The following SLC5A9 variants were observed in gnomAD, a reference collection of about 807,000 sequenced individuals.
The protein encoded by SLC5A9 is solute carrier family 5 member 9, also known as sodium/glucose cotransporter 4.
A neutral mutation model predicts 70.9 loss-of-function variants in SLC5A9; 59 were observed. The observed-to-expected ratio is 0.83, with a 90% CI of 0.68 to 1.03. The LOEUF (loss-of-function observed/expected upper bound fraction) is 1.03. Among genes scored for constraint, SLC5A9 ranks in the 50% least tolerant of loss-of-function variants. The pLI, the probability that SLC5A9 is intolerant of heterozygous loss-of-function variation, is 0.00. For synonymous variants in SLC5A9, 340 were observed against 346.5 expected (o/e 0.98, Z 0.21); for missense variants, 832 against 881.1 (o/e 0.94, Z 0.71).
At position 48,247,631 on chromosome 1, in the gene SLC5A9, C is replaced by T. The variant is rs1413550911; in HGVS notation, c.*88C>T. The T allele has an allele frequency of 1.5e-6, 2 of 1,359,818 alleles. No individual in the cohort carries two copies. Among genetic ancestry groups the T allele is most frequent in the Non-Finnish European group, 2.1e-6 (2 of 954,170 alleles). 84.2% of individuals were successfully genotyped at this position (1,359,818 alleles called of 1,614,324 possible). ...ACAGGCTCTCCTCTTACTTTGCTGT[C>T]TAAACTGGAGATCACAGAAGTCAAG... is the stretch of plus-strand genomic sequence containing the variant. On this transcript the variant is annotated 3_prime_UTR_variant, in exon 14 of 14. Transcript: ENST00000438567.
rs375013446 is a variant in SLC5A9, at chr1:48,237,648, G to C, written c.1293-31G>C. The C allele has an allele frequency of 3.7e-4, 593 of 1,608,322 alleles. 1 individual carries two copies. The African/African-American group carries it at 6.1e-3, about 17-fold the overall frequency. Reference sequence around the variant, plus strand: ...CACACCACACCATGCCCACCCGAGTGTGCCTCAGTGCCCTGTGCTCTCTCT... The same window carrying C: ...CACACCACACCATGCCCACCCGAGTCTGCCTCAGTGCCCTGTGCTCTCTCT... On this transcript the variant is annotated intron_variant, in intron 10 of 13. Coordinates refer to ENST00000438567, the MANE Select transcript of SLC5A9 (RefSeq NM_001011547.3).
At chr1:48,241,566 C>T (rs1644390420) in intron 12 of SLC5A9, among the ~76,000 whole-genome samples, 1 of 152,016 alleles carries the variant, frequency 6.6e-6, no homozygotes, top group Admixed American at 6.5e-5. Flanking sequence ...GTTTACTGAG[C>T]CACCAAAAAG....
chr1:48,222,834 T>A lies in SLC5A9; in HGVS notation c.98T>A (p.Leu33Gln). Residue 33 changes from leucine (L) to glutamine (Q), a missense_variant, in exon 1 of 14, where the codon CTG becomes CAG. Coordinates refer to ENST00000438567, the MANE Select transcript of SLC5A9 (RefSeq NM_001011547.3). ...ATAGCACTGGACTCCAGAGTTGGTC[T>A]GCACGCCTACGACATCAGCGTGGTG... ...PHIALDSRVG[L>Q]HAYDISVVVI... 1 of 1,614,170 alleles carries A rather than the reference T, an allele frequency of 6.2e-7. No individual in the cohort carries two copies. The highest frequency in any genetic ancestry group is 8.5e-7 in the Non-Finnish European group (1 of 1,180,024).
chr1:48,224,359 G>A (rs1487708836), intron 1 of SLC5A9, among the ~76,000 whole-genome samples: 3 of 152,222 alleles, frequency 2.0e-5, no homozygotes, highest in African/African-American at 7.2e-5. Flanking sequence ...CTCAGAGAAA[G>A]GGTGAGCACT....
At chr1:48,242,026 C>T in intron 12 of SLC5A9, 1 of 457,108 alleles carries the variant, frequency 2.2e-6, no homozygotes, top group South Asian at 1.5e-5. Context: ...CTTTGAAGAT[C>T]CTGGCACTTA....
chr1:48,234,108 A>T (rs1185306726), intron 9 of SLC5A9, among the ~76,000 whole-genome samples: 1 of 152,200 alleles, frequency 6.6e-6, no homozygotes, highest in Non-Finnish European at 1.5e-5. Context: ...CAGCTGGAGG[A>T]TGTCTGGAAT....
chr1:48,231,436 A>C, intron 5 of SLC5A9, 109 bp from the exon 6 acceptor site: 1 of 1,333,608 alleles, frequency 7.5e-7, no homozygotes, highest in Non-Finnish European at 1.0e-6. Flanking sequence ...CCCTGCTAAG[A>C]GGGCTGTGTG....
At chr1:48,236,405 C>T (rs558343029) in intron 10 of SLC5A9, among the ~76,000 whole-genome samples, 12 of 152,272 alleles carry the variant, frequency 7.9e-5, no homozygotes, top group Non-Finnish European at 1.5e-4. Context: ...AAGGTATTTG[C>T]GTCAATGGAG....
intron 10 of SLC5A9, 54 bp downstream of exon 10, chr1:48,235,933 C>A: frequency 6.2e-7 from 1 of 1,605,194 alleles, no homozygotes; most frequent in East Asian, 2.2e-5. Flanking sequence ...CTCTGCCCTG[C>A]CCTGGGTTAC....
At chr1:48,245,153 C>A (rs529298898) in intron 13 of SLC5A9, among the ~76,000 whole-genome samples, 1 of 150,252 alleles carries the variant, frequency 6.7e-6, no homozygotes, top group South Asian at 2.1e-4. Flanking sequence ...GTAAAACTTA[C>A]GGTATTGAAG....
chr1:48,235,873 T>C lies in SLC5A9; in HGVS notation c.1286T>C (p.Val429Ala). The C allele has an allele frequency of 6.2e-7, 1 of 1,614,152 alleles. No homozygotes were observed. Among genetic ancestry groups the C allele is most frequent in the Non-Finnish European group, 8.5e-7 (1 of 1,180,026 alleles). The part of the protein sequence containing the change: ...RKSTEQELMV[V>A]GRVFVVFLVV... ...TCAACAGAGCAGGAGCTGATGGTGG[T>C]GGGCAGGTGCGCCGGCCCCTCCTTC... is the stretch of plus-strand genomic sequence containing the variant. Residue 429 changes from valine (V) to alanine (A), a missense_variant, in exon 10 of 14, where the codon GTG becomes GCG. Physicochemically the swap from Val to Ala is moderately conservative, Grantham distance 64. Transcript: ENST00000438567.
intron 5 of SLC5A9, 69 bp from the exon 6 acceptor site, chr1:48,231,476 C>A: frequency 1.3e-6 from 2 of 1,591,544 alleles, no homozygotes; most frequent in Non-Finnish European, 1.7e-6. Context: ...TGTGGCCATG[C>A]ACAGGGCAGG....
At chr1:48,245,077 TTA>T (rs56697202) in intron 13 of SLC5A9, among the ~76,000 whole-genome samples, 53 of 140,368 alleles carry the variant, frequency 3.8e-4, no homozygotes, top group Non-Finnish European at 3.9e-4. Context: ...CCTGAGACTT[TTA>T]TATATATATA....
At chr1:48,231,397 G>T (rs143315576) in intron 5 of SLC5A9, 148 bp from the exon 6 acceptor site, 1 of 976,430 alleles carries the variant, frequency 1.0e-6, no homozygotes. Context: ...GGGAACACTA[G>T]GTGCGGAGAA....
intron 2 of SLC5A9, among the ~76,000 whole-genome samples, chr1:48,226,176 G>A (rs1553128463): frequency 1.3e-5 from 2 of 152,028 alleles, no homozygotes; most frequent in Non-Finnish European, 2.9e-5. Context: ...TCAGGAAAAA[G>A]GAAAAACCCT....
chr1:48,245,153 C>T (rs529298898), intron 13 of SLC5A9, among the ~76,000 whole-genome samples: 258 of 150,364 alleles, frequency 1.7e-3, no homozygotes, highest in African/African-American at 4.8e-3. Flanking sequence ...GTAAAACTTA[C>T]GGTATTGAAG....
At position 48,227,229 on chromosome 1, in the gene SLC5A9, A is replaced by AT. The variant is rs1557466822; in HGVS notation, c.235-1621_235-1620insT. ...GAGTGCATGTGTGTGTGCATGTGTG[A>AT]GTGTGTGTGTACTGTGCCTGTGTGT... On this transcript the variant is annotated intron_variant, in intron 2 of 13. Coordinates refer to ENST00000438567, the MANE Select transcript of SLC5A9 (RefSeq NM_001011547.3). 0.02 allele frequency among the ~76,000 whole-genome samples: 1,891 copies of AT among 95,944 alleles called. 95 individuals carry two copies. In the East Asian group the frequency reaches 0.22, roughly 11 times the overall value. 62.9% of individuals were successfully genotyped at this position (95,944 alleles called of 152,430 possible).
At chr1:48,240,280 A>G (rs1644376998) in intron 12 of SLC5A9, 1 of 152,220 alleles carries the variant, frequency 6.6e-6, no homozygotes, top group African/African-American at 2.4e-5. Flanking sequence ...GTCTTCCCCT[A>G]TGCCTGCCTG....
At chr1:48,228,480 G>A in intron 2 of SLC5A9, 1 of 194,864 alleles carries the variant, frequency 5.1e-6, no homozygotes, top group Non-Finnish European at 1.1e-5. Flanking sequence ...TCCCTCCTGT[G>A]GGGCTTCCCT....
Sources: allele counts gnomAD v4.1 joint callset (sites outside exome capture counted in the v4.1 genomes callset), GRCh38; gene constraint gnomAD v4.1.1; transcripts MANE v1.5; gene names NCBI Gene and HGNC (gene_info 2026-07-23, HGNC 2026-07-21).